CFAP54: variants seen among roughly 807,000 people sequenced by gnomAD.
CFAP54 encodes cilia- and flagella-associated protein 54.
Under a neutral mutation model 370.4 loss-of-function variants are expected in CFAP54, and 290 were observed. That is an observed-to-expected ratio of 0.78 (90% confidence interval 0.71 to 0.86). The LOEUF (loss-of-function observed/expected upper bound fraction) is 0.86, where lower values mean the gene tolerates loss of function less well. Among genes scored for constraint, CFAP54 ranks in the 40% least tolerant of loss-of-function variants. CFAP54 has a pLI of 0.00. For synonymous variants in CFAP54, 1,206 were observed against 1,236.5 expected (o/e 0.98, Z 0.52); for missense variants, 3,399 against 3,528.7 (o/e 0.96, Z 0.93).
At chr12:96,662,348 G>A (rs1957004820) in intron 38 of CFAP54, among the ~76,000 whole-genome samples, 2 of 152,116 alleles carry the variant, frequency 1.3e-5, no homozygotes, top group Admixed American at 6.6e-5. Flanking sequence ...GGGATTACAG[G>A]TGTGAGCCAC....
intron 19 of CFAP54, among the ~76,000 whole-genome samples, chr12:96,575,268 T>C (rs981227941): frequency 2.6e-5 from 4 of 152,264 alleles, no homozygotes; most frequent in African/African-American, 7.2e-5. Context: ...ACAGTGTATA[T>C]AAGTGCTGAA....
At chr12:96,577,538 A>G (rs1302540923) in intron 20 of CFAP54, among the ~76,000 whole-genome samples, 1 of 152,180 alleles carries the variant, frequency 6.6e-6, no homozygotes, top group Non-Finnish European at 1.5e-5. Context: ...TTGGTATAGT[A>G]GAGAGAACAT....
chr12:96,684,599 T>C (rs1717724570), intron 40 of CFAP54, 49 bp from the exon 41 acceptor site: 10 of 1,489,292 alleles, frequency 6.7e-6, no homozygotes, highest in Non-Finnish European at 8.3e-6. Context: ...TATAAAAAAA[T>C]ATTTTTCTAG....
intron 15 of CFAP54, among the ~76,000 whole-genome samples, chr12:96,552,985 T>A (rs1384474135): frequency 1.3e-5 from 2 of 152,288 alleles, no homozygotes; most frequent in South Asian, 2.1e-4. Context: ...GAGCAAACTC[T>A]TGCAATTCAC....
At chr12:96,810,874 C>T (rs1430130614) in intron 63 of CFAP54, among the ~76,000 whole-genome samples, 1 of 152,078 alleles carries the variant, frequency 6.6e-6, no homozygotes, top group Non-Finnish European at 1.5e-5. Flanking sequence ...TAATGAGATT[C>T]CTAGAAAGGG....
At chr12:96,865,461 G>A (rs547569570) in intron 67 of CFAP54, among the ~76,000 whole-genome samples, 2 of 152,188 alleles carry the variant, frequency 1.3e-5, no homozygotes, top group South Asian at 2.1e-4. Context: ...TTATGGATGA[G>A]TACATATATA....
At chr12:96,522,986 G>A (rs553598251) in intron 8 of CFAP54, among the ~76,000 whole-genome samples, 1 of 152,210 alleles carries the variant, frequency 6.6e-6, no homozygotes, top group East Asian at 1.9e-4. Context: ...TGGGGCCCTC[G>A]GCCCTTTTTC....
intron 42 of CFAP54, among the ~76,000 whole-genome samples, chr12:96,685,911 G>C (rs1483408250): frequency 6.6e-6 from 1 of 152,212 alleles, no homozygotes; most frequent in Non-Finnish European, 1.5e-5. Flanking sequence ...CAGGAAAACA[G>C]TGTGGAGGCA....
intron 58 of CFAP54, 95 bp downstream of exon 58, chr12:96,757,683 C>T (rs1958278783): frequency 5.0e-6 from 3 of 594,192 alleles, no homozygotes; most frequent in Non-Finnish European, 8.5e-6. Flanking sequence ...GCTGATTTTC[C>T]TGTGTGGCTT....
intron 39 of CFAP54, 116 bp from the exon 40 acceptor site, chr12:96,679,484 G>C: frequency 9.0e-7 from 1 of 1,114,790 alleles, no homozygotes; most frequent in Non-Finnish European, 1.2e-6. Flanking sequence ...TGGGGGCTTT[G>C]AATTTAGCGG....
At chr12:96,705,353 T>C (rs745584442) in intron 47 of CFAP54, among the ~76,000 whole-genome samples, 3 of 152,288 alleles carry the variant, frequency 2.0e-5, no homozygotes, top group African/African-American at 4.8e-5. Flanking sequence ...TGTAATCTTA[T>C]TACTTTTCTA....
rs1283242031 is a variant in CFAP54, at chr12:96,860,831, A to G, written c.9184A>G (p.Ile3062Val). Reference sequence around the variant, plus strand: ...TGTTTTTCCTCAGGTCCCATTTGATATCTCACTGCCGTCTATATTCAATCT... The same window carrying G: ...TGTTTTTCCTCAGGTCCCATTTGATGTCTCACTGCCGTCTATATTCAATCT... ...PTPLSEVPFDISLPSIFNLER... is the reference protein window; with the variant it reads ...PTPLSEVPFDVSLPSIFNLER... The change falls in exon 67 of 68, where the codon ATC becomes GTC. Residue 3062 changes from isoleucine to valine, a missense_variant. Physicochemically the swap from Ile to Val is conservative, Grantham distance 29. This residue lies in a region of CFAP54 where 2,796 missense variants were observed against 2,869.7 expected (regional missense o/e 0.97). Transcript: ENST00000524981. 3 of 1,531,252 alleles carry G rather than the reference A, an allele frequency of 2.0e-6. No homozygotes were observed. Among genetic ancestry groups the G allele is most frequent in the Non-Finnish European group, 1.7e-6 (2 of 1,145,162 alleles). 94.9% of individuals were successfully genotyped at this position (1,531,252 alleles called of 1,614,324 possible).
chr12:96,602,052 G>A (rs747850735), intron 26 of CFAP54, among the ~76,000 whole-genome samples: 3 of 152,220 alleles, frequency 2.0e-5, no homozygotes, highest in South Asian at 2.1e-4. Flanking sequence ...TGATGTTAGG[G>A]TGTCAATCTT....
At chr12:96,655,971 A>G (rs1956918296) in intron 36 of CFAP54, among the ~76,000 whole-genome samples, 1 of 152,166 alleles carries the variant, frequency 6.6e-6, no homozygotes, top group African/African-American at 2.4e-5. Context: ...ATTAATTAAT[A>G]TAATTTTGGG....
At chr12:96,533,163 G>T (rs1247028680) in intron 9 of CFAP54, among the ~76,000 whole-genome samples, 1 of 151,268 alleles carries the variant, frequency 6.6e-6, no homozygotes, top group Non-Finnish European at 1.5e-5. Context: ...TCAGGTTCTT[G>T]CTATATTTCT....
chr12:96,733,067 C>T (rs1012481135), intron 50 of CFAP54, among the ~76,000 whole-genome samples: 1 of 152,014 alleles, frequency 6.6e-6, no homozygotes, highest in African/African-American at 2.4e-5. Context: ...CATAATAGAA[C>T]TTTAATTTGA....
intron 66 of CFAP54, among the ~76,000 whole-genome samples, chr12:96,853,842 A>G (rs984696870): frequency 9.2e-5 from 14 of 152,122 alleles, no homozygotes; most frequent in Admixed American, 3.9e-4. Context: ...CGTGGCCTCC[A>G]TAAATAAACT....
chr12:96,518,779 C>A, intron 5 of CFAP54, 149 bp from the exon 6 acceptor site: 1 of 669,866 alleles, frequency 1.5e-6, no homozygotes, highest in Non-Finnish European at 2.2e-6. Flanking sequence ...TTTTTAAATG[C>A]TTGTTTCTTC....
chr12:96,822,483 C>G (rs1959044673), intron 65 of CFAP54, among the ~76,000 whole-genome samples: 1 of 152,130 alleles, frequency 6.6e-6, no homozygotes, highest in African/African-American at 2.4e-5. Flanking sequence ...TTCACAAATT[C>G]TTTTTGAGGA....
Sources: gnomAD v4.1 joint callset for allele counts (sites outside exome capture counted in the v4.1 genomes callset) on GRCh38, gnomAD v4.1.1 for gene constraint, gnomAD v4.1.1 regional missense constraint, MANE v1.5 for transcripts, NCBI Gene and HGNC (gene_info 2026-07-23, HGNC 2026-07-21) for gene names.